The following MAPK6 variants were observed in gnomAD, a reference collection of about 807,000 sequenced individuals.
MAPK6 encodes the protein mitogen-activated protein kinase 6, also known as ERK-3.
Under a neutral mutation model 59.3 loss-of-function variants are expected in MAPK6, and 19 were observed. That is an observed-to-expected ratio of 0.32 (90% confidence interval 0.22 to 0.47). The LOEUF (loss-of-function observed/expected upper bound fraction) is 0.47. MAPK6 is among the 20% of genes least tolerant of loss of function. The pLI, the probability that MAPK6 is intolerant of heterozygous loss-of-function variation, is 1.00. For synonymous variants in MAPK6, 316 were observed against 290.3 expected, an observed-to-expected ratio of 1.09 and a Z score of -0.90; for missense variants, 724 against 847.9, an observed-to-expected ratio of 0.85 and a Z score of 1.81.
chr15:51,982,365 C>T (rs2141807568), intron 1 of MAPK6, among the ~76,000 whole-genome samples: 1 of 152,268 alleles, frequency 6.6e-6, no homozygotes, highest in South Asian at 2.1e-4. Context: ...GGAGATAATG[C>T]TGAATTTCAT....
intron 2 of MAPK6, among the ~76,000 whole-genome samples, chr15:51,990,582 G>A (rs898856237): frequency 3.9e-5 from 6 of 151,948 alleles, no homozygotes; most frequent in Admixed American, 1.3e-4. Context: ...TTCGGAGGCC[G>A]AGGCAGGCGG....
intron 1 of MAPK6, among the ~76,000 whole-genome samples, chr15:52,029,495 G>A (rs976507044): frequency 3.3e-5 from 5 of 151,732 alleles, no homozygotes; most frequent in African/African-American, 9.7e-5. Context: ...TCATATTTAT[G>A]TTTCTGGTTT....
chr15:52,023,989 ATGTT>A (rs2030652408), intron 1 of MAPK6, among the ~76,000 whole-genome samples: 2 of 152,326 alleles, frequency 1.3e-5, no homozygotes, highest in South Asian at 2.1e-4. Flanking sequence ...CAGAGATTGA[ATGTT>A]TGTATAGCAA....
chr15:52,053,649 T>C (rs2031863279), intron 3 of MAPK6, among the ~76,000 whole-genome samples: 2 of 143,962 alleles, frequency 1.4e-5, no homozygotes, highest in African/African-American at 5.3e-5. Context: ...ATTGATTGAT[T>C]GATTTTTTAA....
intron 2 of MAPK6, among the ~76,000 whole-genome samples, chr15:51,983,328 A>G (rs1320734241): frequency 6.6e-6 from 1 of 151,880 alleles, no homozygotes; most frequent in Non-Finnish European, 1.5e-5. Context: ...ATGTACTAAA[A>G]ATACAAAATT....
intron 3 of MAPK6, among the ~76,000 whole-genome samples, chr15:52,055,058 G>A (rs1337321636): frequency 6.6e-6 from 1 of 152,332 alleles, no homozygotes; most frequent in Non-Finnish European, 1.5e-5. Context: ...GGGATTACAG[G>A]CAAGAGCCAC....
chr15:51,987,950 G>A (rs2057196410), intron 2 of MAPK6, among the ~76,000 whole-genome samples: 1 of 151,970 alleles, frequency 6.6e-6, no homozygotes, highest in Non-Finnish European at 1.5e-5. Context: ...ATTTTTAGTA[G>A]AGACAGAGTT....
At chr15:51,975,993 A>G (rs539475683) in intron 1 of MAPK6, among the ~76,000 whole-genome samples, 1 of 151,836 alleles carries the variant, frequency 6.6e-6, no homozygotes, top group South Asian at 2.1e-4. Context: ...GGGGCTGGAC[A>G]CGGTGGCTCA....
In MAPK6 at chr15:52,064,932, T is replaced by C. The variant is rs2032354549; in HGVS notation, c.2098T>C (p.Ser700Pro). 6.2e-7 allele frequency: 1 copy of C among 1,611,772 alleles called. No individual in the cohort carries two copies. ...LKSIQATLTP[S>P]AMKSSPQIPH... is the part of the protein sequence containing the mutation. The stretch of plus-strand genomic sequence containing the variant: ...GTCAATACAGGCCACATTAACACCT[T>C]CTGCTATGAAATCTTCCCCTCAAAT... The change falls in exon 6 of 6, where the codon TCT becomes CCT. Residue 700 changes from serine to proline, a missense_variant. Physicochemically the swap from Ser to Pro is moderately conservative, Grantham distance 74. Transcript: ENST00000261845.
intron 1 of MAPK6, chr15:52,019,846 G>A (rs1230502056): frequency 6.6e-6 from 1 of 152,504 alleles, no homozygotes; most frequent in African/African-American, 2.4e-5. Context: ...GAGGTGGCGT[G>A]GAGTCTCGCC....
intron 3 of MAPK6, among the ~76,000 whole-genome samples, chr15:52,008,849 C>T (rs2029979460): frequency 6.6e-6 from 1 of 152,114 alleles, no homozygotes; most frequent in Admixed American, 6.6e-5. Flanking sequence ...AGGGGATTGC[C>T]AGAGGCAATG....
intron 3 of MAPK6, among the ~76,000 whole-genome samples, chr15:52,004,990 G>A (rs748402040): frequency 1.3e-5 from 2 of 152,200 alleles, no homozygotes; most frequent in Admixed American, 6.5e-5. Context: ...TTCTTCCTTT[G>A]CAGCAACATG....
At chr15:52,032,466 A>C (rs891071806) in intron 1 of MAPK6, among the ~76,000 whole-genome samples, 1 of 152,190 alleles carries the variant, frequency 6.6e-6, no homozygotes, top group Non-Finnish European at 1.5e-5. Context: ...CTGGGATTAC[A>C]GGCGTGAGCC....
chr15:51,976,661 G>C (rs753075957), intron 1 of MAPK6, among the ~76,000 whole-genome samples: 3 of 151,708 alleles, frequency 2.0e-5, no homozygotes, highest in Non-Finnish European at 4.4e-5. Flanking sequence ...AATCCTGAAG[G>C]AGGCCGGGTG....
intron 2 of MAPK6, among the ~76,000 whole-genome samples, chr15:51,983,511 A>C (rs182911754): frequency 2.0e-4 from 28 of 139,464 alleles, no homozygotes; most frequent in East Asian, 6.0e-4. Context: ...ACAACAACAA[A>C]AAAAAACAGG....
At chr15:51,992,780 A>G (rs1178177868) in intron 2 of MAPK6, among the ~76,000 whole-genome samples, 3 of 152,130 alleles carry the variant, frequency 2.0e-5, no homozygotes, top group Non-Finnish European at 2.9e-5. Context: ...TTATCGCCTA[A>G]AGAATATCAC....
chr15:52,063,333 G>C (rs2032279427), intron 5 of MAPK6, among the ~76,000 whole-genome samples: 1 of 152,226 alleles, frequency 6.6e-6, no homozygotes, highest in Non-Finnish European at 1.5e-5. Flanking sequence ...TGAAGTGCTA[G>C]CATTGCAGGC....
intron 2 of MAPK6, among the ~76,000 whole-genome samples, chr15:52,000,309 T>C (rs1452577281): frequency 2.0e-5 from 3 of 152,210 alleles, no homozygotes; most frequent in African/African-American, 7.2e-5. Flanking sequence ...CCAAGTTACC[T>C]ATTTTTCTTT....
intron 2 of MAPK6, among the ~76,000 whole-genome samples, chr15:52,000,620 A>C (rs1480657557): frequency 6.6e-6 from 1 of 152,088 alleles, no homozygotes; most frequent in Non-Finnish European, 1.5e-5. Flanking sequence ...AGCCTGGCCA[A>C]TATGGTGAAA....
Sources: allele counts gnomAD v4.1 joint callset (sites outside exome capture counted in the v4.1 genomes callset), GRCh38; gene constraint gnomAD v4.1.1; transcripts MANE v1.5; gene names NCBI Gene and HGNC (gene_info 2026-07-23, HGNC 2026-07-21).